The following GLG1 variants were observed in gnomAD, a reference collection of about 807,000 sequenced individuals.
GLG1 encodes golgi glycoprotein 1, also known as Golgi apparatus protein 1.
GLG1 carries 38 observed loss-of-function variants against 160.5 expected under a neutral mutation model. That is an observed-to-expected ratio of 0.24 (90% confidence interval 0.18 to 0.31). The LOEUF (loss-of-function observed/expected upper bound fraction) is 0.31, where lower values mean the gene tolerates loss of function less well. GLG1 is among the 10% of genes least tolerant of loss of function. The probability of loss-of-function intolerance (pLI) is 1.00; values close to 1 mark genes in which losing one functional copy is unlikely to be tolerated. For synonymous variants in GLG1, 644 were observed against 543.4 expected (o/e 1.19, Z -2.57); for missense variants, 1,373 against 1,505.2 (o/e 0.91, Z 1.45).
At chr16:74,531,741 G>C (rs1352893113) in intron 2 of GLG1, among the ~76,000 whole-genome samples, 1 of 152,178 alleles carries the variant, frequency 6.6e-6, no homozygotes, top group African/African-American at 2.4e-5. Flanking sequence ...TTTTTGCACA[G>C]AGTTGATTTC....
chr16:74,471,505 T>C (rs779772873), intron 14 of GLG1, among the ~76,000 whole-genome samples: 20 of 152,144 alleles, frequency 1.3e-4, no homozygotes, highest in Non-Finnish European at 2.2e-4. Flanking sequence ...AGACATGATA[T>C]ACGCTTTTTT....
chr16:74,453,454 G>T (rs980194684), intron 25 of GLG1, 120 bp from the exon 26 acceptor site: 2 of 644,384 alleles, frequency 3.1e-6, no homozygotes, highest in Admixed American at 2.9e-5. Context: ...GGAGAGGGAG[G>T]GCAGGAGATA....
At chr16:74,572,346 A>C (rs1277141877) in intron 1 of GLG1, among the ~76,000 whole-genome samples, 3 of 152,034 alleles carry the variant, frequency 2.0e-5, no homozygotes, top group Non-Finnish European at 2.9e-5. Flanking sequence ...CCCCGTCTCT[A>C]CCAAAGATAT....
At chr16:74,506,275 A>G (rs530779089) in intron 3 of GLG1, among the ~76,000 whole-genome samples, 34 of 151,704 alleles carry the variant, frequency 2.2e-4, no homozygotes, top group Non-Finnish European at 4.3e-4. Flanking sequence ...TGAGCAACCA[A>G]AAGTTTTAAA....
chr16:74,578,603 G>A (rs1294520462), intron 1 of GLG1, among the ~76,000 whole-genome samples: 1 of 152,148 alleles, frequency 6.6e-6, no homozygotes, highest in Non-Finnish European at 1.5e-5. Context: ...ACCTGATAGC[G>A]CTCTGACTTA....
intron 21 of GLG1, 24 bp downstream of exon 21, chr16:74,462,464 T>G: frequency 6.2e-7 from 1 of 1,604,918 alleles, no homozygotes. Context: ...AATACACCTT[T>G]GTGGAGAGCC....
intron 11 of GLG1, among the ~76,000 whole-genome samples, chr16:74,479,767 C>T (rs912417863): frequency 5.3e-5 from 8 of 152,110 alleles, no homozygotes; most frequent in African/African-American, 1.7e-4. Flanking sequence ...CACAAACATC[C>T]CAACAAAAAG....
chr16:74,467,362 G>A (rs2015038288), intron 18 of GLG1, among the ~76,000 whole-genome samples: 1 of 152,200 alleles, frequency 6.6e-6, no homozygotes, highest in South Asian at 2.1e-4. Context: ...TGTCCTAGGT[G>A]ATTCTGATGT....
At chr16:74,465,838 G>C in intron 18 of GLG1, 25 bp from the exon 19 acceptor site, 1 of 1,608,770 alleles carries the variant, frequency 6.2e-7, no homozygotes, top group South Asian at 1.1e-5. Flanking sequence ...TTATAGTCAA[G>C]TTGAGAGATG....
rs547526607 is a variant in GLG1, at chr16:74,449,353, T to G, written c.*3814A>C. 90 of 152,246 alleles carry G rather than the reference T, an allele frequency of 5.9e-4. No individual in the cohort carries two copies. The highest frequency in any genetic ancestry group is 2.1e-3 in the African/African-American group (87 of 41,550). The allele number at this position is 152,246 out of a possible 1,614,324, so 9.4% of individuals were successfully genotyped here. A position where few individuals can be genotyped will look rare whatever the true frequency, so the allele number is the denominator to read the frequency against. ...ACCACAGGCCTGGAGGATGGGAGGA[T>G]AGGAGACACTTCCAGAAGCCACACT... On this transcript the variant is annotated 3_prime_UTR_variant, in exon 26 of 26. Transcript: ENST00000422840.
chr16:74,540,832 C>T (rs964350354), intron 1 of GLG1, among the ~76,000 whole-genome samples: 1 of 152,106 alleles, frequency 6.6e-6, no homozygotes, highest in African/African-American at 2.4e-5. Flanking sequence ...GGCTCCTAGC[C>T]ACGGCAGGCA....
chr16:74,510,856 T>G (rs572726689), intron 2 of GLG1, among the ~76,000 whole-genome samples: 23 of 151,874 alleles, frequency 1.5e-4, no homozygotes, highest in Non-Finnish European at 3.4e-4. Flanking sequence ...ACCACAGCAG[T>G]ATAGGGGAGG....
intron 12 of GLG1, 51 bp from the exon 13 acceptor site, chr16:74,474,683 A>G (rs774457029): frequency 2.3e-6 from 2 of 852,236 alleles, no homozygotes; most frequent in Non-Finnish European, 4.1e-6. Context: ...ATACATGAAC[A>G]AGGCAAGGGG....
At chr16:74,499,984 C>A (rs1056783335) in intron 4 of GLG1, among the ~76,000 whole-genome samples, 4 of 152,268 alleles carry the variant, frequency 2.6e-5, no homozygotes, top group African/African-American at 9.6e-5. Context: ...GCCTGGGCGA[C>A]AGAGTGAGAC....
At chr16:74,528,798 C>G (rs1196259480) in intron 2 of GLG1, among the ~76,000 whole-genome samples, 2 of 98,794 alleles carry the variant, frequency 2.0e-5, no homozygotes, top group Non-Finnish European at 3.6e-5. Context: ...AGTGACAGAG[C>G]GAGATTCTGT....
chr16:74,500,511 A>G (rs541657341), intron 4 of GLG1, among the ~76,000 whole-genome samples: 1 of 152,050 alleles, frequency 6.6e-6, no homozygotes, highest in Non-Finnish European at 1.5e-5. Flanking sequence ...GCTAACACTA[A>G]TCTCTAAATA....
rs570105154 is a variant in GLG1 at position 74,580,890 on chromosome 16, G to A, written c.438+25767C>T. Among the ~76,000 whole-genome samples the A allele has an allele frequency of 1.5e-3, 221 of 152,288 alleles. 1 individual carries two copies. The South Asian group carries it at 0.016, about 11-fold the overall frequency. ...ATTTGAGACCAGCCTGACCAACATGGTGAAACTCCATCTCTACTAAAAATA... is the reference window on the plus strand; with the variant it reads ...ATTTGAGACCAGCCTGACCAACATGATGAAACTCCATCTCTACTAAAAATA... On this transcript the variant is annotated intron_variant, in intron 1 of 25. Coordinates refer to ENST00000422840, the MANE Select transcript of GLG1 (RefSeq NM_001145667.2).
At chr16:74,486,414 A>C (rs2143345481) in intron 8 of GLG1, among the ~76,000 whole-genome samples, 1 of 152,366 alleles carries the variant, frequency 6.6e-6, no homozygotes, top group East Asian at 1.9e-4. Context: ...ATTTCATTTA[A>C]CTTGCAGAAA....
intron 1 of GLG1, among the ~76,000 whole-genome samples, chr16:74,567,305 T>G (rs574118012): frequency 2.6e-5 from 4 of 152,112 alleles, no homozygotes; most frequent in Non-Finnish European, 5.9e-5. Context: ...ATTACCAATG[T>G]TGTAACACGT....
Sources: allele counts gnomAD v4.1 joint callset (sites outside exome capture counted in the v4.1 genomes callset), GRCh38; gene constraint gnomAD v4.1.1; transcripts MANE v1.5; gene names NCBI Gene and HGNC (gene_info 2026-07-23, HGNC 2026-07-21).